CYP2R1: variants seen among roughly 807,000 people sequenced by gnomAD.
CYP2R1 encodes vitamin D 25-hydroxylase.
Under a neutral mutation model 45.7 loss-of-function variants are expected in CYP2R1, and 40 were observed. That is an observed-to-expected ratio of 0.87 (90% CI 0.68 to 1.14). CYP2R1 has a LOEUF of 1.14. Ranked by LOEUF, CYP2R1 falls within the 50% of genes most tolerant of loss-of-function variation. The probability of loss-of-function intolerance (pLI) is 0.00; values close to 1 mark genes in which losing one functional copy is unlikely to be tolerated. For missense variants in CYP2R1, 605 were observed against 602.6 expected (o/e 1.00, Z -0.04); for synonymous variants, 234 against 219.3 (o/e 1.07, Z -0.59).
chr11:14,892,076 G>A lies in CYP2R1; in HGVS notation c.130C>T (p.Pro44Ser). Residue 44 changes from proline to serine, a missense_variant, in exon 1 of 5, where the codon CCG becomes TCG. By Grantham distance (74) the Pro-to-Ser change is moderately conservative. Coordinates refer to ENST00000334636, the MANE Select transcript of CYP2R1 (RefSeq NM_024514.5). ...ATGTTGCCGATAAATGGCAGCCCCG[G>A]CGGCCCCGGGGGGAAGCCCATCGGC... ...RRPMGFPPGP[P>S]GLPFIGNIYS... The A allele has an allele frequency of 6.2e-7, 1 of 1,611,908 alleles. No homozygotes were observed. Among genetic ancestry groups the A allele is most frequent in the Non-Finnish European group, 8.5e-7 (1 of 1,179,620 alleles).
intron 1 of CYP2R1, among the ~76,000 whole-genome samples, chr11:14,888,699 CA>C (rs1420753456): frequency 6.6e-6 from 1 of 152,168 alleles, no homozygotes; most frequent in Non-Finnish European, 1.5e-5. Context: ...TGCTAAATTA[CA>C]AACTCCTTAG....
intron 2 of CYP2R1, among the ~76,000 whole-genome samples, chr11:14,882,747 C>G (rs1189240964): frequency 1.3e-5 from 2 of 152,210 alleles, no homozygotes; most frequent in Non-Finnish European, 2.9e-5. Context: ...CAAATTGTCT[C>G]TGTTTGCAGA....
chr11:14,880,526 C>A lies in CYP2R1; in HGVS notation c.610G>T (p.Asp204Tyr). The part of the protein sequence containing the change: ...IIFGERFTYE[D>Y]TDFQHMIELF... Reference sequence around the variant, plus strand: ...TCAATCATGTGCTGAAAATCGGTGTCTTCATAAGTGAATCGTTCTCCAAAA... The same window carrying A: ...TCAATCATGTGCTGAAAATCGGTGTATTCATAAGTGAATCGTTCTCCAAAA... Residue 204 changes from aspartate to tyrosine, a missense_variant, in exon 3 of 5, where the codon GAC becomes TAC. Transcript: ENST00000334636. 6.2e-7 allele frequency: 1 copy of A among 1,613,482 alleles called. No individual in the cohort carries two copies. The highest frequency in any genetic ancestry group is 8.5e-7 in the Non-Finnish European group (1 of 1,179,712).
chr11:14,884,910 ATTGT>A lies in CYP2R1; in HGVS notation c.367+862_367+865del, dbSNP rs555466161. Among the ~76,000 whole-genome samples, 135 of 151,914 alleles carry A rather than the reference ATTGT, an allele frequency of 8.9e-4. 1 individual carries two copies. The highest frequency in any genetic ancestry group is 3.0e-3 in the African/African-American group (124 of 41,482). ...TAATTGTGGCTGCTTCTTTGGTCTA[ATTGT>A]TTGTTTTTTATTTATATTACTGCTT... On this transcript the variant is annotated intron_variant, in intron 2 of 4. Transcript: ENST00000334636.
intron 1 of CYP2R1, chr11:14,890,536 T>TC (rs1555016301): frequency 6.8e-6 from 2 of 295,168 alleles, no homozygotes; most frequent in East Asian, 3.6e-4. Context: ...CTAGACCAAT[T>TC]CTTTTTTTTT....
At position 14,877,630 on chromosome 11, in the gene CYP2R1, A is replaced by T. The variant is rs1316893879; in HGVS notation, c.*492T>A. 1 of 152,376 alleles carries T rather than the reference A, an allele frequency of 6.6e-6. No homozygotes were observed. Among genetic ancestry groups the T allele is most frequent in the Non-Finnish European group, 1.5e-5 (1 of 68,274 alleles). The allele number at this position is 152,376 out of a possible 1,614,324, so 9.4% of individuals were successfully genotyped here. A position where few individuals can be genotyped will look rare whatever the true frequency, so the allele number is the denominator to read the frequency against. Reference sequence around the variant, plus strand: ...ATACATATTTCTTCTACCATCTCCCACCATATCTAAAATACCTCTATAGTC... The same window carrying T: ...ATACATATTTCTTCTACCATCTCCCTCCATATCTAAAATACCTCTATAGTC... On this transcript the variant is annotated 3_prime_UTR_variant, in exon 5 of 5. Coordinates refer to ENST00000334636, the MANE Select transcript of CYP2R1 (RefSeq NM_024514.5).
chr11:14,885,539 C>T (rs1848581210), intron 2 of CYP2R1, among the ~76,000 whole-genome samples: 1 of 152,114 alleles, frequency 6.6e-6, no homozygotes. Flanking sequence ...GGTGTTGATT[C>T]TTTAAAACAT....
chr11:14,882,966 C>T (rs1349337819), intron 2 of CYP2R1, among the ~76,000 whole-genome samples: 1 of 152,094 alleles, frequency 6.6e-6, no homozygotes, highest in Non-Finnish European at 1.5e-5. Flanking sequence ...CCTAGGAATC[C>T]AACTTACAAG....
intron 1 of CYP2R1, chr11:14,891,640 G>A: frequency 8.9e-7 from 1 of 1,117,492 alleles, no homozygotes; most frequent in Non-Finnish European, 1.1e-6. Context: ...GAGGGCATGC[G>A]TCCACCCTGG....
intron 1 of CYP2R1, among the ~76,000 whole-genome samples, chr11:14,888,576 G>GCA (rs549693370): frequency 5.0e-4 from 76 of 152,136 alleles, no homozygotes; most frequent in African/African-American, 1.8e-3. Context: ...CCTTTCTTGG[G>GCA]GCACTCTTTT....
chr11:14,879,323 A>AT lies in CYP2R1; in HGVS notation c.1120dup (p.Ile374AsnfsTer12), dbSNP rs782459395. The AT allele has an allele frequency of 9.2e-5, 148 of 1,612,984 alleles. 1 individual carries two copies. The Admixed American group carries it at 2.4e-3, about 27-fold the overall frequency. ...TGCATGGAAAATCCCTAATGGAACT[A>AT]TATTACAGAATCTTAAAACTTCATG... On this transcript the variant is annotated frameshift_variant, in exon 4 of 5. Coordinates refer to ENST00000334636, the MANE Select transcript of CYP2R1 (RefSeq NM_024514.5). LOFTEE classifies it high-confidence loss of function.
chr11:14,891,944 G>A (rs782468356), intron 1 of CYP2R1, 37 bp downstream of exon 1: 1 of 1,603,676 alleles, frequency 6.2e-7, no homozygotes, highest in Non-Finnish European at 8.5e-7. Flanking sequence ...GGGCCAGCCT[G>A]GCGGCCCTCC....
chr11:14,878,046 C>T lies in CYP2R1; in HGVS notation c.*76G>A, dbSNP rs1848219929. The T allele has an allele frequency of 2.0e-6, 3 of 1,486,274 alleles. No homozygotes were observed. Among genetic ancestry groups the T allele is most frequent in the Non-Finnish European group, 1.9e-6 (2 of 1,076,680 alleles). The allele number at this position is 1,486,274 out of a possible 1,614,324, so 92.1% of individuals were successfully genotyped here. A position where few individuals can be genotyped will look rare whatever the true frequency, so the allele number is the denominator to read the frequency against. On this transcript the variant is annotated 3_prime_UTR_variant, in exon 5 of 5. Transcript: ENST00000334636. The stretch of plus-strand genomic sequence containing the variant: ...ATGCTGTGACTTTTATTCTAATACA[C>T]ACATTGATTTGATTAAACCAAGTTC...
At chr11:14,890,441 C>G (rs1848791232) in intron 1 of CYP2R1, 1 of 981,374 alleles carries the variant, frequency 1.0e-6, no homozygotes, top group Non-Finnish European at 1.2e-6. Flanking sequence ...CCTTTATTAT[C>G]TCGTCCAGCT....
chr11:14,886,175 G>A (rs1848614464), intron 1 of CYP2R1: 4 of 476,988 alleles, frequency 8.4e-6, no homozygotes, highest in Admixed American at 6.8e-5. Context: ...CTGGACTCGG[G>A]AGGCCTGGGT....
rs545391887 is a variant in CYP2R1, at chr11:14,892,185, A to C, written c.21T>G (p.Ala7=). Residue 7 remains alanine, a synonymous_variant, in exon 1 of 5, where the codon GCT becomes GCG. Coordinates refer to ENST00000334636, the MANE Select transcript of CYP2R1 (RefSeq NM_024514.5). ...CGCCGAGCGCCGCCGCGCCCTCTTC[A>C]GCTCTCCAAAGCTTCCACATCGGCC... The part of the protein sequence containing the change: MWKLWR[A]EEGAAALGGA... 5.0e-6 allele frequency: 8 copies of C among 1,610,374 alleles called. No individual in the cohort carries two copies. The highest frequency in any genetic ancestry group is 6.8e-6 in the Non-Finnish European group (8 of 1,179,770).
chr11:14,892,246 A>T, upstream of CYP2R1: 4 of 1,570,574 alleles, frequency 2.5e-6, no homozygotes, highest in Non-Finnish European at 3.5e-6. Context: ...CAGCCCTGAG[A>T]CCCAGGCACT....
At position 14,892,133 on chromosome 11, in the gene CYP2R1, G is replaced by A. The variant is rs1555017372; in HGVS notation, c.73C>T (p.Leu25=). 4.3e-6 allele frequency: 7 copies of A among 1,611,562 alleles called. No homozygotes were observed. The highest frequency in any genetic ancestry group is 5.9e-6 in the Non-Finnish European group (7 of 1,179,738). The change falls in exon 1 of 5, where the codon CTA becomes TTA. Residue 25 remains leucine (L), a synonymous_variant. Coordinates refer to ENST00000334636, the MANE Select transcript of CYP2R1 (RefSeq NM_024514.5). Reference sequence around the variant, plus strand: ...TGCTTCAGCAGCTGGCGGACCCCTAGCGCGAAGAGCAGCAGGAAGAGCGCG... The same window carrying A: ...TGCTTCAGCAGCTGGCGGACCCCTAACGCGAAGAGCAGCAGGAAGAGCGCG... ...GGALFLLLFA[L]GVRQLLKQRR...
chr11:14,885,398 T>C (rs1469516961), intron 2 of CYP2R1, among the ~76,000 whole-genome samples: 1 of 152,166 alleles, frequency 6.6e-6, no homozygotes, highest in African/African-American at 2.4e-5. Flanking sequence ...TCAAGTTCTG[T>C]AAGCTTATAA....
Sources: allele counts gnomAD v4.1 joint callset (sites outside exome capture counted in the v4.1 genomes callset), GRCh38; gene constraint gnomAD v4.1.1; transcripts MANE v1.5; gene names NCBI Gene and HGNC (gene_info 2026-07-23, HGNC 2026-07-21).